NHSL1: variants seen among roughly 807,000 people sequenced by gnomAD.
NHSL1 encodes NHS like 1, also known as NHS-like protein 1.
A neutral mutation model predicts 95.0 loss-of-function variants in NHSL1; 48 were observed. The ratio of observed to expected loss-of-function variants is 0.51; its 90% CI spans 0.40 to 0.64. NHSL1 has a LOEUF of 0.64. NHSL1 is among the 30% of genes least tolerant of loss of function. NHSL1 has a pLI of 0.00. For missense variants in NHSL1, 1,971 were observed against 2,077.7 expected, an observed-to-expected ratio of 0.95 and a Z score of 1.00; for synonymous variants, 783 against 833.9, an observed-to-expected ratio of 0.94 and a Z score of 1.05.
chr6:138,429,867 C>G (rs1232674691), intron 6 of NHSL1, 24 bp from the exon 7 acceptor site: 1 of 1,539,850 alleles, frequency 6.5e-7, no homozygotes, highest in Admixed American at 2.1e-5. Flanking sequence ...GGCAGGCATA[C>G]AAGACGCACA....
intron 2 of NHSL1, among the ~76,000 whole-genome samples, chr6:138,475,068 G>T (rs1778980695): frequency 6.6e-6 from 1 of 150,856 alleles, no homozygotes; most frequent in Admixed American, 6.6e-5. Context: ...AGAATCGCTT[G>T]AACCCGGGAG....
intron 1 of NHSL1, among the ~76,000 whole-genome samples, chr6:138,510,205 GT>G (rs1300204300): frequency 6.6e-6 from 1 of 152,160 alleles, no homozygotes; most frequent in East Asian, 1.9e-4. Context: ...TCTTTTCTCA[GT>G]TTCCTGTGAT....
At chr6:138,659,819 C>T (rs921191384) in intron 1 of NHSL1, among the ~76,000 whole-genome samples, 8 of 150,804 alleles carry the variant, frequency 5.3e-5, no homozygotes, top group African/African-American at 2.0e-4. Flanking sequence ...CAGGTTCAAG[C>T]AAATCTCACT....
intron 1 of NHSL1, among the ~76,000 whole-genome samples, chr6:138,553,941 G>A (rs1187559382): frequency 6.6e-6 from 1 of 152,296 alleles, no homozygotes; most frequent in East Asian, 1.9e-4. Flanking sequence ...TTTGAAGGAT[G>A]ATGGAAGTGA....
intron 2 of NHSL1, among the ~76,000 whole-genome samples, chr6:138,493,160 T>C (rs1780169834): frequency 6.6e-6 from 1 of 152,206 alleles, no homozygotes; most frequent in South Asian, 2.1e-4. Context: ...TCTCATTTCA[T>C]CCTTCCCAAC....
At chr6:138,538,739 G>T (rs1782463105) in intron 1 of NHSL1, among the ~76,000 whole-genome samples, 1 of 152,192 alleles carries the variant, frequency 6.6e-6, no homozygotes, top group Admixed American at 6.5e-5. Context: ...GCTCTCAAAT[G>T]CTGTCTTGCA....
chr6:138,664,259 C>T (rs1785266212), intron 1 of NHSL1, among the ~76,000 whole-genome samples: 1 of 152,180 alleles, frequency 6.6e-6, no homozygotes, highest in African/African-American at 2.4e-5. Flanking sequence ...TAGTGTCATA[C>T]TTAAGAGTTA....
At chr6:138,572,116 A>G (rs1783862087) in exon 1 of NHSL1, 3 of 547,922 alleles carry the variant, frequency 5.5e-6, no homozygotes, top group Non-Finnish European at 9.6e-6. Flanking sequence ...AAGAAAAGAA[A>G]AATGTTTTAC....
intron 1 of NHSL1, among the ~76,000 whole-genome samples, chr6:138,624,507 C>T (rs1038357295): frequency 1.3e-5 from 2 of 151,992 alleles, no homozygotes; most frequent in Non-Finnish European, 2.9e-5. Context: ...TTCACGTATA[C>T]ACACTATAAA....
At chr6:138,541,755 A>G (rs1014212276) in intron 1 of NHSL1, among the ~76,000 whole-genome samples, 2 of 152,244 alleles carry the variant, frequency 1.3e-5, no homozygotes, top group African/African-American at 2.4e-5. Context: ...GGAAATAAAA[A>G]GGCAACATTT....
intron 1 of NHSL1, among the ~76,000 whole-genome samples, chr6:138,643,308 C>T (rs770055000): frequency 4.5e-4 from 68 of 152,186 alleles, no homozygotes; most frequent in Non-Finnish European, 9.0e-4. Flanking sequence ...TACTTCCACA[C>T]CTGCACAGCC....
intron 3 of NHSL1, among the ~76,000 whole-genome samples, chr6:138,450,030 G>A (rs947318875): frequency 2.0e-5 from 3 of 152,118 alleles, no homozygotes; most frequent in Non-Finnish European, 2.9e-5. Flanking sequence ...TCTGATTCTG[G>A]TTAAAAGGGT....
At chr6:138,682,466 G>C (rs935111002) in intron 1 of NHSL1, among the ~76,000 whole-genome samples, 3 of 152,084 alleles carry the variant, frequency 2.0e-5, no homozygotes, top group Admixed American at 6.5e-5. Context: ...TTGGCGATTT[G>C]GAATTCAGAA....
At chr6:138,483,095 C>A (rs551104882) in intron 2 of NHSL1, among the ~76,000 whole-genome samples, 146 of 152,022 alleles carry the variant, frequency 9.6e-4, no homozygotes, top group African/African-American at 3.4e-3. Flanking sequence ...AAGGCAAATA[C>A]CTAAAGAGAA....
intron 1 of NHSL1, among the ~76,000 whole-genome samples, chr6:138,556,338 C>T (rs1783194970): frequency 6.6e-6 from 1 of 152,116 alleles, no homozygotes; most frequent in Admixed American, 6.5e-5. Flanking sequence ...GAGTGAGACT[C>T]TTCTGTCAAT....
intron 2 of NHSL1, among the ~76,000 whole-genome samples, chr6:138,494,288 A>C (rs982437020): frequency 7.9e-5 from 12 of 152,218 alleles, no homozygotes; most frequent in African/African-American, 2.7e-4. Context: ...CCAGAATAAC[A>C]GATTCCCAAT....
intron 1 of NHSL1, among the ~76,000 whole-genome samples, chr6:138,666,175 C>T (rs527592345): frequency 3.3e-5 from 5 of 152,108 alleles, no homozygotes; most frequent in Non-Finnish European, 2.9e-5. Context: ...TGGTGGTGCA[C>T]GCCTGTAATC....
At chr6:138,569,287 A>AAGAGAGCGAGAGAGAAAAAGAG (rs1233681097) in intron 1 of NHSL1, among the ~76,000 whole-genome samples, 23 of 146,672 alleles carry the variant, frequency 1.6e-4, no homozygotes, top group African/African-American at 5.3e-4. Flanking sequence ...GAGAGAGAGA[A>AAGAGAGCGAGAGAGAAAAAGAG]AGAGAGCGAG....
intron 3 of NHSL1, among the ~76,000 whole-genome samples, chr6:138,469,251 T>C (rs1484400068): frequency 6.6e-6 from 1 of 152,226 alleles, no homozygotes; most frequent in Non-Finnish European, 1.5e-5. Context: ...AATCACGTAC[T>C]ATGCGGATGC....
Sources: gnomAD v4.1 joint callset for allele counts (sites outside exome capture counted in the v4.1 genomes callset) on GRCh38, gnomAD v4.1.1 for gene constraint, MANE v1.5 for transcripts, NCBI Gene and HGNC (gene_info 2026-07-23, HGNC 2026-07-21) for gene names.